The following TENM1 variants were observed in gnomAD, a reference collection of about 807,000 sequenced individuals.
TENM1 encodes teneurin transmembrane protein 1, also known as teneurin-1.
A neutral mutation model predicts 174.8 loss-of-function variants in TENM1; 35 were observed. The ratio of observed to expected loss-of-function variants is 0.20; its 90% confidence interval spans 0.15 to 0.27. The LOEUF is 0.27. Ranked by LOEUF, TENM1 falls within the 10% of genes least tolerant of loss-of-function variation. The probability of loss-of-function intolerance (pLI) is 1.00; values close to 1 mark genes in which losing one functional copy is unlikely to be tolerated. For missense variants in TENM1, 1,633 were observed against 2,130.1 expected, an observed-to-expected ratio of 0.77 and a Z score of 4.59; for synonymous variants, 781 against 798.7, an observed-to-expected ratio of 0.98 and a Z score of 0.37.
At chrX:124,802,701 G>T (rs975210170) in intron 3 of TENM1, among the ~76,000 whole-genome samples, 7 of 111,881 alleles carry the variant, frequency 6.3e-5, no homozygotes, top group African/African-American at 2.3e-4. Flanking sequence ...GGTTCTTTTC[G>T]ATGGGAGCCT....
At chrX:124,910,584 G>C (rs2057820949) in intron 1 of TENM1, among the ~76,000 whole-genome samples, 1 of 111,870 alleles carries the variant, frequency 8.9e-6, no homozygotes, top group Non-Finnish European at 1.9e-5. Context: ...CAAAACACAT[G>C]CTTGGCTAAA....
At chrX:125,092,237 C>A in the TENM1 span, among the ~76,000 whole-genome samples, 1 of 111,082 alleles carries the variant, frequency 9.0e-6, no homozygotes, top group Non-Finnish European at 1.9e-5. Context: ...AAACACATTT[C>A]CTTCCTAATC....
chrX:124,935,908 A>T (rs146264902), intron 1 of TENM1, among the ~76,000 whole-genome samples: 5,065 of 111,855 alleles, frequency 0.045, 252 homozygotes, highest in African/African-American at 0.15. Flanking sequence ...TACAGCCCTG[A>T]ACATAAGGTC....
intron 3 of TENM1, among the ~76,000 whole-genome samples, chrX:124,800,515 T>C (rs2055419308): frequency 9.0e-6 from 1 of 111,146 alleles, no homozygotes; most frequent in South Asian, 3.8e-4. Context: ...TAGTTAGTGG[T>C]CCATCTATTT....
At chrX:124,588,484 T>C (rs1382556481) in intron 11 of TENM1, among the ~76,000 whole-genome samples, 1 of 108,200 alleles carries the variant, frequency 9.2e-6, no homozygotes, top group Non-Finnish European at 1.9e-5. Flanking sequence ...TAGGTGGGAA[T>C]TGAACAATGA....
chrX:124,779,769 C>A (rs2054866046), intron 3 of TENM1, among the ~76,000 whole-genome samples: 1 of 111,910 alleles, frequency 8.9e-6, no homozygotes, highest in African/African-American at 3.2e-5. Flanking sequence ...ACACCTCATA[C>A]ATGGTAATTC....
At chrX:124,734,220 G>A (rs1431879071) in intron 4 of TENM1, among the ~76,000 whole-genome samples, 1 of 111,880 alleles carries the variant, frequency 8.9e-6, no homozygotes. Context: ...GGGAGGGTGA[G>A]GCGGGCAGAT....
intron 22 of TENM1, among the ~76,000 whole-genome samples, chrX:124,458,910 C>T (rs1336791201): frequency 8.9e-6 from 1 of 112,388 alleles, no homozygotes; most frequent in Non-Finnish European, 1.9e-5. Flanking sequence ...TTTCTGTTTA[C>T]TCATTAACTT....
chrX:124,823,767 C>T (rs1300176777), intron 3 of TENM1, among the ~76,000 whole-genome samples: 1 of 111,094 alleles, frequency 9.0e-6, no homozygotes, highest in Non-Finnish European at 1.9e-5. Flanking sequence ...AAATGCTATA[C>T]TAAAGATAAA....
chrX:124,738,393 T>C (rs1391179942), intron 3 of TENM1, among the ~76,000 whole-genome samples: 8 of 112,325 alleles, frequency 7.1e-5, no homozygotes, highest in African/African-American at 2.6e-4. Context: ...GACATTGGCA[T>C]GGTTTTTTAT....
At chrX:125,202,777 C>A in the TENM1 span, among the ~76,000 whole-genome samples, 1 of 111,490 alleles carries the variant, frequency 9.0e-6, no homozygotes, top group Non-Finnish European at 1.9e-5. Context: ...TAAATACACT[C>A]CTGACTGCAA....
intron 23 of TENM1, among the ~76,000 whole-genome samples, chrX:124,423,500 A>G (rs767074194): frequency 9.0e-6 from 1 of 111,417 alleles, no homozygotes; most frequent in Admixed American, 9.6e-5. Flanking sequence ...CCATTAGACA[A>G]TTACTCTCCA....
chrX:124,384,953 T>G, intron 29 of TENM1, 99 bp from the exon 33 acceptor site: 2 of 760,945 alleles, frequency 2.6e-6, no homozygotes, highest in South Asian at 6.3e-5. Flanking sequence ...TGCTTTTATA[T>G]TCATAATACA....
chrX:124,803,459 C>T (rs148002862), intron 3 of TENM1, among the ~76,000 whole-genome samples: 2,885 of 111,806 alleles, frequency 0.026, 38 homozygotes, highest in Non-Finnish European at 0.042. Flanking sequence ...ACCTGTTTAT[C>T]CCTCAAGCTT....
chrX:124,773,154 T>C (rs2054698567), intron 3 of TENM1, among the ~76,000 whole-genome samples: 1 of 111,931 alleles, frequency 8.9e-6, no homozygotes, highest in African/African-American at 3.2e-5. Context: ...CAAGCTTGGT[T>C]AAAACATTCT....
chrX:124,734,083 T>C, intron 4 of TENM1, among the ~76,000 whole-genome samples: 1 of 111,775 alleles, frequency 8.9e-6, no homozygotes, highest in Non-Finnish European at 1.9e-5. Context: ...TTGAAGAAGA[T>C]ATACATTGTT....
intron 11 of TENM1, among the ~76,000 whole-genome samples, chrX:124,618,689 A>T (rs1266236284): frequency 8.9e-6 from 1 of 112,089 alleles, no homozygotes; most frequent in Admixed American, 9.5e-5. Context: ...AGCCACAAAC[A>T]TCTATTTTAA....
chrX:124,514,379 T>C (rs895334112), intron 18 of TENM1, among the ~76,000 whole-genome samples: 1 of 110,750 alleles, frequency 9.0e-6, no homozygotes, highest in East Asian at 2.8e-4. Context: ...TTAGAAAATA[T>C]GAAAAACTAT....
At chrX:125,009,902 C>A in the TENM1 span, among the ~76,000 whole-genome samples, 1 of 111,462 alleles carries the variant, frequency 9.0e-6, no homozygotes, top group Non-Finnish European at 1.9e-5. Flanking sequence ...AAGAGCCATT[C>A]ATGACAAACC....
Sources: allele counts gnomAD v4.1 joint callset (sites outside exome capture counted in the v4.1 genomes callset), GRCh38; gene constraint gnomAD v4.1.1; transcripts MANE v1.5; gene names NCBI Gene and HGNC (gene_info 2026-07-23, HGNC 2026-07-21).